The following MPP2 variants were observed in gnomAD, a reference collection of about 807,000 sequenced individuals.
MPP2 encodes the protein MAGUK p55 scaffold protein 2, also known as MAGUK p55 subfamily member 2.
Under a neutral mutation model 58.5 loss-of-function variants are expected in MPP2, and 42 were observed. That is an observed-to-expected ratio of 0.72 (90% CI 0.56 to 0.93). MPP2 has a LOEUF of 0.93. Ranked by LOEUF, MPP2 falls within the 40% of genes least tolerant of loss-of-function variation. The probability of loss-of-function intolerance (pLI) is 0.00; values close to 1 mark genes in which losing one functional copy is unlikely to be tolerated. For missense variants in MPP2, 632 were observed against 760.4 expected (o/e 0.83, Z 1.99); for synonymous variants, 300 against 307.8 (o/e 0.97, Z 0.26).
intron 3 of MPP2, among the ~76,000 whole-genome samples, chr17:43,892,647 T>C (rs2047654967): frequency 6.6e-6 from 1 of 152,136 alleles, no homozygotes. Context: ...CTTAGCCCAT[T>C]AGCCTCATAC....
At chr17:43,894,359 G>C (rs1276552726) in intron 3 of MPP2, among the ~76,000 whole-genome samples, 5 of 149,260 alleles carry the variant, frequency 3.3e-5, no homozygotes, top group African/African-American at 9.8e-5. Context: ...GGAGGTTGCA[G>C]TGAGCTGAGA....
intron 5 of MPP2, 81 bp downstream of exon 5, chr17:43,882,822 T>C (rs929686960): frequency 4.4e-6 from 7 of 1,587,478 alleles, no homozygotes; most frequent in Non-Finnish European, 6.0e-6. Flanking sequence ...AGACCACACT[T>C]GGCCTTTTTT....
upstream of MPP2, chr17:43,907,782 T>G (rs1597823970): frequency 1.0e-6 from 1 of 985,458 alleles, no homozygotes; most frequent in Non-Finnish European, 1.2e-6. Context: ...TACCCGCTGG[T>G]GCCCCTCGGC....
In MPP2 at chr17:43,907,482, C is replaced by G; in HGVS notation, c.-42G>C. The G allele has an allele frequency of 6.1e-6, 6 of 985,540 alleles. No individual in the cohort carries two copies. Among genetic ancestry groups the G allele is most frequent in the Non-Finnish European group, 7.2e-6 (6 of 829,994 alleles). 61.0% of individuals were successfully genotyped at this position (985,540 alleles called of 1,614,324 possible). A position where few individuals can be genotyped will look rare whatever the true frequency, so the allele number is the denominator to read the frequency against. ...GGCCGGGGGACGCCTACCTGCGCCC[C>G]GGGAAGCCCCTAGCTCCGGGCGGCT... On this transcript the variant is annotated 5_prime_UTR_variant, in exon 1 of 13. Transcript: ENST00000269095.
chr17:43,895,501 TA>T lies in MPP2; in HGVS notation c.150+2760del, dbSNP rs1467920234. Among the ~76,000 whole-genome samples, 13 of 152,330 alleles carry T rather than the reference TA, an allele frequency of 8.5e-5. No individual in the cohort carries two copies. The East Asian group carries it at 2.5e-3, about 29-fold the overall frequency. ...TGGAGATGGGTACTCAGGAGTTTGTTATTTTTTTATGCTCTTTTGTATTTAT... is the reference window on the plus strand; with the variant it reads ...TGGAGATGGGTACTCAGGAGTTTGTTTTTTTTTATGCTCTTTTGTATTTAT... On this transcript the variant is annotated intron_variant, in intron 3 of 12. Transcript: ENST00000269095.
rs771307371 is a variant in MPP2 at position 43,882,528 on chromosome 17, G to C, written c.454-17C>G. 2.6e-5 allele frequency: 42 copies of C among 1,599,356 alleles called. No homozygotes were observed. The highest frequency in any genetic ancestry group is 4.4e-5 in the South Asian group (4 of 90,938). On this transcript the variant is annotated splice_polypyrimidine_tract_variant and intron_variant, in intron 5 of 12. Coordinates refer to ENST00000269095, the MANE Select transcript of MPP2 (RefSeq NM_005374.5). ...CGTTACACCCTGGAGGTCAGAGGGA[G>C]TGTAAGATGAGGCCCCAATTGCTCC...
intron 3 of MPP2, among the ~76,000 whole-genome samples, chr17:43,889,805 G>GTTTTT (rs869131021): frequency 0.022 from 834 of 37,838 alleles, 141 homozygotes; most frequent in African/African-American, 0.055. Context: ...GTCCAAATGC[G>GTTTTT]TTTTTTTTTT....
intron 2 of MPP2, chr17:43,901,393 C>A: frequency 1.0e-6 from 1 of 985,456 alleles, no homozygotes. Flanking sequence ...ACTCAGTTCC[C>A]CAGAAAGGAA....
At position 43,879,776 on chromosome 17, in the gene MPP2, C is replaced by T. The variant is rs763104290; in HGVS notation, c.1353+6G>A. 1.4e-5 allele frequency: 23 copies of T among 1,612,728 alleles called. No individual in the cohort carries two copies. Among genetic ancestry groups the T allele is most frequent in the Admixed American group, 6.7e-5 (4 of 59,976 alleles). On this transcript the variant is annotated splice_donor_region_variant and intron_variant, in intron 11 of 12. Coordinates refer to ENST00000269095, the MANE Select transcript of MPP2 (RefSeq NM_005374.5). This position sits in a 1 kb window ranked among gnomAD's most constrained non-coding sequence, Gnocchi z 4.1. ...GGCAGGCTGGGAAGGAGCAGAGTGG[C>T]GGTACCTGGGGGTTGACATCCAGCA...
intron 5 of MPP2, 92 bp from the exon 6 acceptor site, chr17:43,882,603 TACCC>T: frequency 1.1e-6 from 1 of 925,826 alleles, no homozygotes; most frequent in Non-Finnish European, 1.5e-6. Context: ...TTCCTGTCCC[TACCC>T]ACCCACCCCC....
chr17:43,909,705 T>G, upstream of MPP2: 243 of 794,848 alleles, frequency 3.1e-4, no homozygotes, highest in Non-Finnish European at 3.9e-4. Flanking sequence ...ATAAAGGCCT[T>G]GCAGAATGCC....
At chr17:43,884,157 T>G (rs1310988287) in intron 3 of MPP2, 2 of 702,442 alleles carry the variant, frequency 2.8e-6, no homozygotes, top group South Asian at 3.0e-5. Flanking sequence ...CATTATCACC[T>G]GCAAGAAATT....
chr17:43,903,237 C>T (rs2048163223), intron 2 of MPP2, among the ~76,000 whole-genome samples: 1 of 150,594 alleles, frequency 6.6e-6, no homozygotes, highest in Non-Finnish European at 1.5e-5. Flanking sequence ...GATCCCACCA[C>T]TGCCCTCCAG....
Position 43,875,894 on chromosome 17 carries a change from G to A in MPP2, c.*1913C>T, listed in dbSNP as rs756628263. ...CTCTACCCTCAAATCCCCCAGAGAA[G>A]GTAGGAAATGGCAAGTGACCCTATA... is the stretch of plus-strand genomic sequence containing the variant. On this transcript the variant is annotated 3_prime_UTR_variant, in exon 13 of 13. Transcript: ENST00000269095. 1.3e-5 allele frequency: 2 copies of A among 152,172 alleles called. No individual in the cohort carries two copies. Among genetic ancestry groups the A allele is most frequent in the Admixed American group, 6.5e-5 (1 of 15,280 alleles). The allele number at this position is 152,172 out of a possible 1,614,324, so 9.4% of individuals were successfully genotyped here.
At chr17:43,881,018 G>C (rs1470215590) in intron 9 of MPP2, 72 bp downstream of exon 9, 1 of 1,574,346 alleles carries the variant, frequency 6.4e-7, no homozygotes, top group Non-Finnish European at 8.7e-7. Flanking sequence ...CGTCGTCACA[G>C]GTGATGGGTG....
chr17:43,893,465 G>A (rs2047690127), intron 3 of MPP2, among the ~76,000 whole-genome samples: 1 of 152,186 alleles, frequency 6.6e-6, no homozygotes, highest in Admixed American at 6.5e-5. Flanking sequence ...CTCTCAGGAA[G>A]GGAACCAATA....
chr17:43,892,880 G>A (rs982223122), intron 3 of MPP2, among the ~76,000 whole-genome samples: 5 of 152,206 alleles, frequency 3.3e-5, no homozygotes. Flanking sequence ...TCCAGTGAAA[G>A]GAAGACAGAC....
In MPP2 at chr17:43,898,265, G is replaced by A; in HGVS notation, c.147C>T (p.Ala49=). The stretch of plus-strand genomic sequence containing the variant: ...CCACCTCCCTGGAGCACTGTACCTT[G>A]GCCAGGGATCTTACTATGGGACTTT... ...IMESPIVRSL[A]KAHERLEETK... is the part of the protein sequence containing the mutation. Residue 49 remains alanine (A), a synonymous_variant, in exon 3 of 13, where the codon GCC becomes GCT. Transcript: ENST00000269095. 6.2e-7 allele frequency: 1 copy of A among 1,612,400 alleles called. No individual in the cohort carries two copies. Among genetic ancestry groups the A allele is most frequent in the East Asian group, 2.2e-5 (1 of 44,868 alleles).
Position 43,879,916 on chromosome 17 carries a change from T to A in MPP2, c.1219A>T (p.Met407Leu). 1.2e-6 allele frequency: 2 copies of A among 1,613,890 alleles called. No individual in the cohort carries two copies. Among genetic ancestry groups the A allele is most frequent in the Non-Finnish European group, 8.5e-7 (1 of 1,179,976 alleles). ...QGYSFVSRGEMEADVRAGRYL... is the reference protein window; with the variant it reads ...QGYSFVSRGELEADVRAGRYL... ...CGCCCAGCACGGACGTCAGCCTCCA[T>A]CTCCCCACGGGACACAAAGCTGTAA... Residue 407 changes from methionine (M) to leucine (L), a missense_variant, in exon 11 of 13, where the codon ATG (methionine) becomes TTG (leucine). Met to Leu is a conservative substitution (Grantham distance 15). Coordinates refer to ENST00000269095, the MANE Select transcript of MPP2 (RefSeq NM_005374.5). This position sits in a 1 kb window ranked among gnomAD's most constrained non-coding sequence, Gnocchi z 4.1.
Sources: gnomAD v4.1 joint callset for allele counts (sites outside exome capture counted in the v4.1 genomes callset) on GRCh38, gnomAD v4.1.1 for gene constraint, Gnocchi (gnomAD v3.1) non-coding constraint, MANE v1.5 for transcripts, NCBI Gene and HGNC (gene_info 2026-07-23, HGNC 2026-07-21) for gene names.